The following TEAD1 variants were observed in gnomAD, a reference collection of about 807,000 sequenced individuals.
The protein encoded by TEAD1 is TEA domain transcription factor 1.
A neutral mutation model predicts 54.9 loss-of-function variants in TEAD1; 9 were observed. That is an observed-to-expected ratio of 0.16 (90% CI 0.10 to 0.29). The LOEUF (loss-of-function observed/expected upper bound fraction) is 0.29, where lower values mean the gene tolerates loss of function less well. Ranked by LOEUF, TEAD1 falls within the 10% of genes least tolerant of loss-of-function variation. The probability of loss-of-function intolerance (pLI) is 1.00; values close to 1 mark genes in which losing one functional copy is unlikely to be tolerated. For synonymous variants in TEAD1, 200 were observed against 187.8 expected (o/e 1.07, Z -0.53); for missense variants, 387 against 535.9 (o/e 0.72, Z 2.74).
intron 2 of TEAD1, among the ~76,000 whole-genome samples, chr11:12,681,530 C>T (rs1943220946): frequency 6.6e-6 from 1 of 152,172 alleles, no homozygotes; most frequent in South Asian, 2.1e-4. Flanking sequence ...CTCAAGTGTC[C>T]AGTGAAGCTG....
Position 12,821,815 on chromosome 11 carries a change from A to G in TEAD1, c.203-40435A>G, listed in dbSNP as rs141301234. 3.8e-3 allele frequency among the ~76,000 whole-genome samples: 578 copies of G among 152,100 alleles called. 1 individual carries two copies. The highest frequency in any genetic ancestry group is 6.8e-3 in the Non-Finnish European group (459 of 67,992). On this transcript the variant is annotated intron_variant, in intron 3 of 12. Coordinates refer to ENST00000527636, the MANE Select transcript of TEAD1 (RefSeq NM_021961.6). The stretch of plus-strand genomic sequence containing the variant: ...GAATGCTTTTATCAATAGAGCATTG[A>G]TAAGGCATTTCATGGAACACACATG...
At position 12,918,153 on chromosome 11, in the gene TEAD1, G is replaced by A. The variant is rs543144365; in HGVS notation, c.874-6759G>A. ...GTGATTTTCAGTTGGGAGGGGGGAC[G>A]TGTCAGTAGGGTAGATAATGAACTC... On this transcript the variant is annotated intron_variant, in intron 10 of 12. Transcript: ENST00000527636. Among the ~76,000 whole-genome samples, 7 of 152,166 alleles carry A rather than the reference G, an allele frequency of 4.6e-5. No homozygotes were observed. The South Asian group carries it at 1.0e-3, about 23-fold the overall frequency.
intron 2 of TEAD1, among the ~76,000 whole-genome samples, chr11:12,706,972 CTT>C: frequency 6.6e-6 from 1 of 152,262 alleles, no homozygotes; most frequent in South Asian, 2.1e-4. Context: ...GACTAGCACT[CTT>C]TTCACCATGC....
Position 12,745,712 on chromosome 11 carries a change from CAATT to C in TEAD1, c.-54-18466_-54-18463del, listed in dbSNP as rs1944734427. Among the ~76,000 whole-genome samples the C allele has an allele frequency of 4.0e-5, 6 of 149,604 alleles. No individual in the cohort carries two copies. In the South Asian group the frequency reaches 1.3e-3, roughly 31 times the overall value. ...AATCAATAACTGCAAAATAAGGTGA[CAATT>C]GAGAACCTTTTCCCCATCAAAATTA... On this transcript the variant is annotated intron_variant, in intron 2 of 12. Coordinates refer to ENST00000527636, the MANE Select transcript of TEAD1 (RefSeq NM_021961.6).
chr11:12,925,073 T>C (rs567447232), intron 11 of TEAD1, 21 bp downstream of exon 11: 1 of 1,613,752 alleles, frequency 6.2e-7, no homozygotes, highest in South Asian at 1.1e-5. Flanking sequence ...CTCTGTATAC[T>C]GGAAACTTCA....
intron 10 of TEAD1, among the ~76,000 whole-genome samples, chr11:12,914,434 G>C (rs1018053993): frequency 2.0e-5 from 3 of 152,200 alleles, no homozygotes; most frequent in Non-Finnish European, 2.9e-5. Flanking sequence ...TACAGCTGCT[G>C]TCTCATCATT....
At chr11:12,750,387 C>G (rs1391817803) in intron 2 of TEAD1, among the ~76,000 whole-genome samples, 1 of 152,132 alleles carries the variant, frequency 6.6e-6, no homozygotes, top group East Asian at 1.9e-4. Context: ...ACAAACACAC[C>G]TTTATAAACT....
Position 12,930,434 on chromosome 11 carries a change from A to G in TEAD1, c.1167+108A>G, listed in dbSNP as rs2134170303. On this transcript the variant is annotated intron_variant, in intron 12 of 12. Transcript: ENST00000527636. ...TGGGCCTGCGCCGAGGGAACTGACC[A>G]GGTTGTTGGATTGGGTTCCTAGTGG... 6 of 1,389,174 alleles carry G rather than the reference A, an allele frequency of 4.3e-6. No homozygotes were observed. In the South Asian group the frequency reaches 5.8e-5, roughly 14 times the overall value. 86.1% of individuals were successfully genotyped at this position (1,389,174 alleles called of 1,614,324 possible).
At chr11:12,777,488 C>T (rs142865636) in intron 3 of TEAD1, among the ~76,000 whole-genome samples, 29 of 152,176 alleles carry the variant, frequency 1.9e-4, no homozygotes, top group Non-Finnish European at 2.9e-4. Context: ...CTTCCATGAC[C>T]GCTTAGAAGA....
chr11:12,865,941 G>T (rs559293896), intron 5 of TEAD1, among the ~76,000 whole-genome samples: 24 of 152,258 alleles, frequency 1.6e-4, no homozygotes, highest in African/African-American at 5.1e-4. Flanking sequence ...AAACAGTGTA[G>T]TCTCACAACA....
chr11:12,728,962 C>G (rs991639234), intron 2 of TEAD1, among the ~76,000 whole-genome samples: 1 of 152,142 alleles, frequency 6.6e-6, no homozygotes, highest in Non-Finnish European at 1.5e-5. Flanking sequence ...AGGTATCAGC[C>G]CTGACACCTG....
intron 2 of TEAD1, among the ~76,000 whole-genome samples, chr11:12,694,879 A>G (rs1943547067): frequency 6.6e-6 from 1 of 152,226 alleles, no homozygotes; most frequent in Admixed American, 6.5e-5. Context: ...ATGGGTAGAC[A>G]AACCCTGTGA....
At chr11:12,704,310 C>G (rs981395938) in intron 2 of TEAD1, among the ~76,000 whole-genome samples, 3 of 152,220 alleles carry the variant, frequency 2.0e-5, no homozygotes, top group Non-Finnish European at 2.9e-5. Context: ...GTTGAAGTGT[C>G]TGAGGCCAGT....
In TEAD1 at chr11:12,675,571, A is replaced by G. The variant is rs953878503; in HGVS notation, c.-55+10A>G. The G allele has an allele frequency of 3.3e-5, 5 of 152,236 alleles. No homozygotes were observed. Among genetic ancestry groups the G allele is most frequent in the African/African-American group, 1.2e-4 (5 of 41,462 alleles). 9.4% of individuals were successfully genotyped at this position (152,236 alleles called of 1,614,324 possible). Reference sequence around the variant, plus strand: ...CTTCCCTTCCCTTTCGGTAGGAAATACTGGGGGATTTGTTTGTTGATTGGA... The same window carrying G: ...CTTCCCTTCCCTTTCGGTAGGAAATGCTGGGGGATTTGTTTGTTGATTGGA... On this transcript the variant is annotated intron_variant, in intron 2 of 12. Transcript: ENST00000527636.
chr11:12,935,441 A>G (rs1412060735), intron 12 of TEAD1, among the ~76,000 whole-genome samples: 1 of 149,550 alleles, frequency 6.7e-6, no homozygotes, highest in Non-Finnish European at 1.5e-5. Context: ...TCATTCAGCA[A>G]TTATTTATTT....
intron 2 of TEAD1, among the ~76,000 whole-genome samples, chr11:12,715,479 C>T (rs917616357): frequency 4.6e-5 from 7 of 152,064 alleles, no homozygotes; most frequent in Non-Finnish European, 7.4e-5. Context: ...TGGTTGCCTT[C>T]GTTTCACCTG....
intron 3 of TEAD1, among the ~76,000 whole-genome samples, chr11:12,809,226 A>T (rs1259343073): frequency 6.6e-6 from 1 of 152,080 alleles, no homozygotes. Flanking sequence ...TGACGGGGCC[A>T]CTCACAGTCT....
intron 3 of TEAD1, among the ~76,000 whole-genome samples, chr11:12,814,431 A>G (rs1946372122): frequency 6.6e-6 from 1 of 152,132 alleles, no homozygotes; most frequent in African/African-American, 2.4e-5. Context: ...TGACCCCCTC[A>G]GGCCCCCGCT....
At chr11:12,710,468 G>A (rs1319429287) in intron 2 of TEAD1, among the ~76,000 whole-genome samples, 5 of 152,210 alleles carry the variant, frequency 3.3e-5, no homozygotes, top group African/African-American at 1.2e-4. Flanking sequence ...GAAGTCAGGA[G>A]TATAGTTATA....
Sources: gnomAD v4.1 joint callset for allele counts (sites outside exome capture counted in the v4.1 genomes callset) on GRCh38, gnomAD v4.1.1 for gene constraint, MANE v1.5 for transcripts, NCBI Gene and HGNC (gene_info 2026-07-23, HGNC 2026-07-21) for gene names.